Variants in PLEKHG3 observed in about 807,000 individuals in gnomAD.
PLEKHG3 encodes pleckstrin homology domain-containing family G member 3.
A neutral mutation model predicts 94.9 loss-of-function variants in PLEKHG3; 62 were observed. The ratio of observed to expected loss-of-function variants is 0.65; its 90% CI spans 0.53 to 0.81. The LOEUF is 0.81. PLEKHG3 is among the 30% of genes least tolerant of loss of function. The pLI, the probability that PLEKHG3 is intolerant of heterozygous loss-of-function variation, is 0.00. For synonymous variants in PLEKHG3, 614 were observed against 654.0 expected, an observed-to-expected ratio of 0.94 and a Z score of 0.93; for missense variants, 1,461 against 1,619.3, an observed-to-expected ratio of 0.90 and a Z score of 1.68.
chr14:64,738,856 G>A lies in PLEKHG3; in HGVS notation c.1518+1G>A. 1 of 1,563,176 alleles carries A rather than the reference G, an allele frequency of 6.4e-7. No individual in the cohort carries two copies. The highest frequency in any genetic ancestry group is 8.7e-7 in the Non-Finnish European group (1 of 1,148,614). ...CGAGTCCATTTCTTCCCTGCCAGAG[G>A]TGAGCGACCAGCAGGTGGGATGGGG... On this transcript the variant is annotated splice_donor_variant, in intron 15 of 16. Coordinates refer to ENST00000247226, the MANE Select transcript of PLEKHG3 (RefSeq NM_001308147.2). LOFTEE classifies it high-confidence loss of function. This position sits in a 1 kb window ranked among gnomAD's most constrained non-coding sequence, Gnocchi z 4.8.
In PLEKHG3 at chr14:64,726,199, G is replaced by A. The variant is rs1280779481; in HGVS notation, c.-39-1394G>A. Among the ~76,000 whole-genome samples the A allele has an allele frequency of 6.6e-6, 1 of 152,110 alleles. No homozygotes were observed. Among genetic ancestry groups the A allele is most frequent in the Non-Finnish European group, 1.5e-5 (1 of 68,004 alleles). ...AACATTTGCAAAAGCCGGAGACCCA[G>A]GGGTGTTGGTTTCCAGGTTGAGGCA... On this transcript the variant is annotated intron_variant, in intron 1 of 16. Coordinates refer to ENST00000247226, the MANE Select transcript of PLEKHG3 (RefSeq NM_001308147.2). The surrounding 1 kb of genome is among the most constrained non-coding windows in gnomAD (Gnocchi z 5.1).
chr14:64,716,481 AACAC>A lies in PLEKHG3; in HGVS notation c.-39-11100_-39-11097del, dbSNP rs1179915875. ...ACACACACACAACACACACACACAC[AACAC>A]ACACACACACAACACACACACACAC... is the stretch of plus-strand genomic sequence containing the variant. On this transcript the variant is annotated intron_variant, in intron 1 of 16. Coordinates refer to ENST00000247226, the MANE Select transcript of PLEKHG3 (RefSeq NM_001308147.2). The surrounding 1 kb of genome is among the most constrained non-coding windows in gnomAD (Gnocchi z 5.0). 8.5e-4 allele frequency among the ~76,000 whole-genome samples: 99 copies of A among 116,384 alleles called. No individual in the cohort carries two copies. The highest frequency in any genetic ancestry group is 1.5e-3 in the Non-Finnish European group (82 of 56,422). The allele number at this position is 116,384 out of a possible 152,430, so 76.4% of individuals were successfully genotyped here.
Position 64,728,959 on chromosome 14 carries a change from G to A in PLEKHG3, c.352-37G>A. ...TAGGGAAGGTAGTGGGCAGGGTTGT[G>A]CCGGGGGCTAGGTTCTGACCACCTC... On this transcript the variant is annotated intron_variant, in intron 2 of 16. Coordinates refer to ENST00000247226, the MANE Select transcript of PLEKHG3 (RefSeq NM_001308147.2). The surrounding 1 kb of genome is among the most constrained non-coding windows in gnomAD (Gnocchi z 5.9). 1 of 827,312 alleles carries A rather than the reference G, an allele frequency of 1.2e-6. No homozygotes were observed. 51.2% of individuals were successfully genotyped at this position (827,312 alleles called of 1,614,324 possible).
Position 64,741,490 on chromosome 14 carries a change from C to T in PLEKHG3, c.1973C>T (p.Thr658Ile). The change falls in exon 16 of 17, where the codon ACA (threonine) becomes ATA (isoleucine). Residue 658 changes from threonine to isoleucine, a missense_variant. Physicochemically the swap from Thr to Ile is moderately conservative, Grantham distance 89. Transcript: ENST00000247226. ...GGCCTGGCCCGGCATGGCAGTGCCA[C>T]AGACTCCCTCAGCTGTCAGCTCTCC... is the stretch of plus-strand genomic sequence containing the variant. ...EKGLARHGSATDSLSCQLSPE... is the reference protein window; with the variant it reads ...EKGLARHGSAIDSLSCQLSPE... The T allele has an allele frequency of 1.2e-6, 2 of 1,612,812 alleles. No homozygotes were observed. The highest frequency in any genetic ancestry group is 1.7e-6 in the Non-Finnish European group (2 of 1,179,982).
At position 64,749,649 on chromosome 14, in the gene PLEKHG3, C is replaced by T; in HGVS notation, c.*5946C>T. ...CCAGGTCTGGGCTAGGCTGCCCGCGCTTACCTCATCCTTGCCATGGAAGAG... is the reference window on the plus strand; with the variant it reads ...CCAGGTCTGGGCTAGGCTGCCCGCGTTTACCTCATCCTTGCCATGGAAGAG... On this transcript the variant is annotated 3_prime_UTR_variant, in exon 17 of 17. Transcript: ENST00000247226. This position sits in a 1 kb window ranked among gnomAD's most constrained non-coding sequence, Gnocchi z 4.7. 1 of 1,613,760 alleles carries T rather than the reference C, an allele frequency of 6.2e-7. No homozygotes were observed. Among genetic ancestry groups the T allele is most frequent in the Non-Finnish European group, 8.5e-7 (1 of 1,179,948 alleles).
chr14:64,732,378 G>A lies in PLEKHG3; in HGVS notation c.1213-49G>A, dbSNP rs1245858278. 12 of 1,576,102 alleles carry A rather than the reference G, an allele frequency of 7.6e-6. No individual in the cohort carries two copies. The East Asian group carries it at 2.7e-4, about 35-fold the overall frequency. The stretch of plus-strand genomic sequence containing the variant: ...AACAGTGGGTCCTATGGGCAGGGAA[G>A]GCCGGCACATGGTAAGGTAATAACC... On this transcript the variant is annotated intron_variant, in intron 10 of 16. Coordinates refer to ENST00000247226, the MANE Select transcript of PLEKHG3 (RefSeq NM_001308147.2). The surrounding 1 kb of genome is among the most constrained non-coding windows in gnomAD (Gnocchi z 4.9).
At position 64,743,519 on chromosome 14, in the gene PLEKHG3, TGGA is replaced by T. The variant is rs2081764736; in HGVS notation, c.3481_3483del (p.Glu1161del). 6.2e-7 allele frequency: 1 copy of T among 1,612,976 alleles called. No individual in the cohort carries two copies. Among genetic ancestry groups the T allele is most frequent in the Non-Finnish European group, 8.5e-7 (1 of 1,179,970 alleles). On this transcript the variant is annotated inframe_deletion, in exon 17 of 17. Transcript: ENST00000247226. This position sits in a 1 kb window ranked among gnomAD's most constrained non-coding sequence, Gnocchi z 7.2. Reference sequence around the variant, plus strand: ...CCCCTTCCCAGCCCCACTGCAGGGCTGGAGGAGAGCAGTGGCCAGGGACCAAGC... The same window carrying T: ...CCCCTTCCCAGCCCCACTGCAGGGCTGGAGAGCAGTGGCCAGGGACCAAGC...
intron 1 of PLEKHG3, among the ~76,000 whole-genome samples, chr14:64,713,561 A>G (rs1378106601): frequency 6.6e-6 from 1 of 152,232 alleles, no homozygotes; most frequent in Admixed American, 6.5e-5. Flanking sequence ...TCATTGGCAT[A>G]TAGTTCATGA....
chr14:64,729,814 G>A (rs2081424827), intron 3 of PLEKHG3, among the ~76,000 whole-genome samples: 1 of 152,184 alleles, frequency 6.6e-6, no homozygotes, highest in Non-Finnish European at 1.5e-5. Context: ...AGGAGGCAGG[G>A]AGCAGTGTTT....
In PLEKHG3 at chr14:64,731,763, C is replaced by T; in HGVS notation, c.1082C>T (p.Thr361Ile). 2 of 1,613,790 alleles carry T rather than the reference C, an allele frequency of 1.2e-6. No individual in the cohort carries two copies. The highest frequency in any genetic ancestry group is 1.7e-6 in the Non-Finnish European group (2 of 1,179,788). Residue 361 changes from threonine to isoleucine, a missense_variant, in exon 9 of 17, where the codon ACT becomes ATT. By Grantham distance (89) the Thr-to-Ile change is moderately conservative. Transcript: ENST00000247226. This position sits in a 1 kb window ranked among gnomAD's most constrained non-coding sequence, Gnocchi z 6.1. ...IESTRDSLCF[T>I]VTHYKHSKQQ... is the part of the protein sequence containing the mutation. ...AGCACCAGAGACTCCCTGTGCTTCA[C>T]TGTCACCCACTACAAGCACAGCAAG...
At position 64,739,899 on chromosome 14, in the gene PLEKHG3, T is replaced by C. The variant is rs1410280992; in HGVS notation, c.1518+1044T>C. ...AGCCTCCACATGGCAATTTTAGAGA[T>C]ACACAGACATTCAGAGCAGAGCAAA... On this transcript the variant is annotated intron_variant, in intron 15 of 16. Transcript: ENST00000247226. The surrounding 1 kb of genome is among the most constrained non-coding windows in gnomAD (Gnocchi z 4.1). 1.3e-5 allele frequency among the ~76,000 whole-genome samples: 2 copies of C among 152,176 alleles called. No homozygotes were observed. The highest frequency in any genetic ancestry group is 2.9e-5 in the Non-Finnish European group (2 of 68,032).
chr14:64,739,792 T>C lies in PLEKHG3; in HGVS notation c.1518+937T>C, dbSNP rs754934583. ...TCCCTTGATCCTCATTTGTAAGGGATCTGACCCCACTCATGAGGATGGAGC... is the reference window on the plus strand; with the variant it reads ...TCCCTTGATCCTCATTTGTAAGGGACCTGACCCCACTCATGAGGATGGAGC... On this transcript the variant is annotated intron_variant, in intron 15 of 16. Transcript: ENST00000247226. The surrounding 1 kb of genome is among the most constrained non-coding windows in gnomAD (Gnocchi z 4.1). Among the ~76,000 whole-genome samples the C allele has an allele frequency of 7.9e-5, 12 of 152,158 alleles. No homozygotes were observed. Among genetic ancestry groups the C allele is most frequent in the African/African-American group, 1.4e-4 (6 of 41,444 alleles).
rs564962448 is a variant in PLEKHG3, at chr14:64,715,755, G to A, written c.-40+11051G>A. On this transcript the variant is annotated intron_variant, in intron 1 of 16. Coordinates refer to ENST00000247226, the MANE Select transcript of PLEKHG3 (RefSeq NM_001308147.2). This position sits in a 1 kb window ranked among gnomAD's most constrained non-coding sequence, Gnocchi z 4.4. Reference sequence around the variant, plus strand: ...GTTTGTGCAGGTCCTCAGCCCTGTGGCGCTCACCTCCCAGGGCTGTGGCCT... The same window carrying A: ...GTTTGTGCAGGTCCTCAGCCCTGTGACGCTCACCTCCCAGGGCTGTGGCCT... 3.1e-6 allele frequency: 1 copy of A among 321,304 alleles called. No homozygotes were observed. Among genetic ancestry groups the A allele is most frequent in the East Asian group, 1.1e-4 (1 of 9,424 alleles). 19.9% of individuals were successfully genotyped at this position (321,304 alleles called of 1,614,324 possible).
At chr14:64,712,455 T>C (rs375314028) in intron 1 of PLEKHG3, among the ~76,000 whole-genome samples, 172 of 152,374 alleles carry the variant, frequency 1.1e-3, no homozygotes, top group Non-Finnish European at 2.1e-3. Context: ...TTCCATTCCA[T>C]GAACAAGGAA....
chr14:64,735,114 G>A (rs975749742), intron 12 of PLEKHG3, among the ~76,000 whole-genome samples: 2 of 152,140 alleles, frequency 1.3e-5, no homozygotes, highest in Non-Finnish European at 2.9e-5. Flanking sequence ...TCCTTTTCTG[G>A]AGTTAATGCT....
Position 64,732,525 on chromosome 14 carries a change from C to T in PLEKHG3, c.1246+65C>T, listed in dbSNP as rs1478868649. The T allele has an allele frequency of 2.8e-6, 4 of 1,429,490 alleles. No homozygotes were observed. The highest frequency in any genetic ancestry group is 2.3e-5 in the South Asian group (2 of 87,338). 88.6% of individuals were successfully genotyped at this position (1,429,490 alleles called of 1,614,324 possible). A position where few individuals can be genotyped will look rare whatever the true frequency, so the allele number is the denominator to read the frequency against. On this transcript the variant is annotated intron_variant, in intron 11 of 16. Coordinates refer to ENST00000247226, the MANE Select transcript of PLEKHG3 (RefSeq NM_001308147.2). This position sits in a 1 kb window ranked among gnomAD's most constrained non-coding sequence, Gnocchi z 4.9. ...GCACATTGCTAGGTCAGGCTGCATC[C>T]TGGGGAAGCTTTACCTGATAATTTT...
In PLEKHG3 at chr14:64,742,367, G is replaced by A; in HGVS notation, c.2850G>A (p.Gln950=). Residue 950 remains glutamine, a synonymous_variant, in exon 16 of 17, where the codon CAG becomes CAA. Transcript: ENST00000247226. ...NKPVMARPPL[Q]WEKVAPERDG... is the part of the protein sequence containing the mutation. The stretch of plus-strand genomic sequence containing the variant: ...CAGTGATGGCCAGGCCACCACTGCA[G>A]TGGGAAAAGGTGGCCCCTGAGAGGG... The A allele has an allele frequency of 6.2e-7, 1 of 1,613,018 alleles. No homozygotes were observed. The highest frequency in any genetic ancestry group is 8.5e-7 in the Non-Finnish European group (1 of 1,180,022).
At position 64,727,011 on chromosome 14, in the gene PLEKHG3, C is replaced by G. The variant is rs1209094089; in HGVS notation, c.-39-582C>G. Among the ~76,000 whole-genome samples, 1 of 152,210 alleles carries G rather than the reference C, an allele frequency of 6.6e-6. No individual in the cohort carries two copies. The highest frequency in any genetic ancestry group is 1.5e-5 in the Non-Finnish European group (1 of 68,034). ...GCACTTGGGAAGTTCTTCTTCACAA[C>G]TGCCATTATTATCACCATATTGATG... On this transcript the variant is annotated intron_variant, in intron 1 of 16. Transcript: ENST00000247226. The surrounding 1 kb of genome is among the most constrained non-coding windows in gnomAD (Gnocchi z 6.0).
rs779457202 is a variant in PLEKHG3 at position 64,743,398 on chromosome 14, C to G, written c.3355C>G (p.Leu1119Val). The change falls in exon 17 of 17, where the codon CTG becomes GTG. Residue 1119 changes from leucine (L) to valine (V), a missense_variant. Physicochemically the swap from Leu to Val is conservative, Grantham distance 32. Coordinates refer to ENST00000247226, the MANE Select transcript of PLEKHG3 (RefSeq NM_001308147.2). The surrounding 1 kb of genome is among the most constrained non-coding windows in gnomAD (Gnocchi z 7.2). ...GGEAAQSPGP[L>V]PQSKPDGGET... ...AGAGGCTGCCCAATCCCCTGGGCCTCTGCCCCAGAGCAAGCCGGATGGAGG... is the reference window on the plus strand; with the variant it reads ...AGAGGCTGCCCAATCCCCTGGGCCTGTGCCCCAGAGCAAGCCGGATGGAGG... The G allele has an allele frequency of 1.2e-6, 2 of 1,609,484 alleles. No individual in the cohort carries two copies. Among genetic ancestry groups the G allele is most frequent in the African/African-American group, 2.7e-5 (2 of 74,866 alleles).
Sources: allele counts gnomAD v4.1 joint callset (sites outside exome capture counted in the v4.1 genomes callset), GRCh38; gene constraint gnomAD v4.1.1; non-coding constraint Gnocchi (gnomAD v3.1); transcripts MANE v1.5; gene names NCBI Gene and HGNC (gene_info 2026-07-23, HGNC 2026-07-21).